Variants in KMT2C observed in about 807,000 individuals in gnomAD.
KMT2C encodes lysine methyltransferase 2C, also known as histone-lysine N-methyltransferase 2C.
A neutral mutation model predicts 507.9 loss-of-function variants in KMT2C; 88 were observed. The ratio of observed to expected loss-of-function variants is 0.17; its 90% CI spans 0.15 to 0.21. KMT2C has a LOEUF of 0.21. KMT2C is among the 10% of genes least tolerant of loss of function. The pLI is 1.00. For missense variants in KMT2C, 4,954 were observed against 5,957.8 expected (o/e 0.83, Z 5.55); for synonymous variants, 2,049 against 2,080.8 (o/e 0.98, Z 0.42).
chr7:152,310,620 CAA>C (rs2096662806), intron 5 of KMT2C, among the ~76,000 whole-genome samples: 1 of 152,008 alleles, frequency 6.6e-6, no homozygotes, highest in African/African-American at 2.4e-5. Flanking sequence ...TCTACTGAAT[CAA>C]AAACTCGTGC....
At chr7:152,256,472 A>C (rs560382684) in intron 9 of KMT2C, among the ~76,000 whole-genome samples, 2 of 152,254 alleles carry the variant, frequency 1.3e-5, no homozygotes, top group Non-Finnish European at 2.9e-5. Context: ...TGAGGCAGGA[A>C]GACTGCTTGA....
At chr7:152,410,574 T>A (rs2097671462) in intron 1 of KMT2C, among the ~76,000 whole-genome samples, 1 of 151,708 alleles carries the variant, frequency 6.6e-6, no homozygotes, top group Non-Finnish European at 1.5e-5. Context: ...CAAGACTCCA[T>A]CTCAAATAAA....
chr7:152,237,974 T>A (rs530784667), intron 15 of KMT2C, among the ~76,000 whole-genome samples: 1 of 152,424 alleles, frequency 6.6e-6, no homozygotes, highest in South Asian at 2.1e-4. Context: ...ATGAGGTATA[T>A]TTATACCTCA....
At chr7:152,156,445 G>C in intron 44 of KMT2C, 99 bp from the exon 45 acceptor site, 1 of 1,443,268 alleles carries the variant, frequency 6.9e-7, no homozygotes, top group Non-Finnish European at 9.3e-7. Context: ...ATAGAAGCAA[G>C]GCTACAGAAA....
At position 152,148,751 on chromosome 7, in the gene KMT2C, A is replaced by G. The variant is rs1488531897; in HGVS notation, c.13176T>C (p.Pro4392=). ...TCCGATAGTCTTTGGGCACAGGATC[A>G]GGTTTAAGGGAAGTGCCCAATTTCT... ...FLKKLGTSLK[P]DPVPKDYRKC... The change falls in exon 52 of 59, where the codon CCT becomes CCC. Residue 4392 remains proline (P), a synonymous_variant. Transcript: ENST00000262189. The surrounding 1 kb of genome is among the most constrained non-coding windows in gnomAD (Gnocchi z 7.1). 2 of 1,614,126 alleles carry G rather than the reference A, an allele frequency of 1.2e-6. No individual in the cohort carries two copies. Among genetic ancestry groups the G allele is most frequent in the Non-Finnish European group, 1.7e-6 (2 of 1,180,050 alleles).
In KMT2C at chr7:152,181,828, G is replaced by C. The variant is rs1236095935; in HGVS notation, c.6032C>G (p.Ser2011Cys). The C allele has an allele frequency of 6.2e-7, 1 of 1,614,160 alleles. No homozygotes were observed. Among genetic ancestry groups the C allele is most frequent in the South Asian group, 1.1e-5 (1 of 91,078 alleles). ...TCTTTGAAACACATCTGCCCTAGGA[G>C]ATGGTTTAGTAAAGTGATCACTGGT... ...AGTSDHFTKP[S>C]PRADVFQRQR... The change falls in exon 36 of 59, where the codon TCT becomes TGT. Residue 2011 changes from serine to cysteine, a missense_variant. By Grantham distance (112) the Ser-to-Cys change is moderately radical (BLOSUM62 -1). This residue lies in a region of KMT2C where 1,689 missense variants were observed against 1,654.3 expected (regional missense o/e 1.02). Transcript: ENST00000262189.
rs369965395 is a variant in KMT2C, at chr7:152,139,793, TA to T, written c.14344-3del. The T allele has an allele frequency of 3.5e-5, 56 of 1,598,926 alleles. No homozygotes were observed. The highest frequency in any genetic ancestry group is 8.9e-5 in the South Asian group (8 of 89,782). On this transcript the variant is annotated splice_polypyrimidine_tract_variant and splice_region_variant and intron_variant, in intron 55 of 58. Transcript: ENST00000262189. The stretch of plus-strand genomic sequence containing the variant: ...TCGAGCAGCATACAGGCCCAGCCCC[TA>T]AAAAAAAGTGTGTACATACTTCCAA...
chr7:152,240,405 C>T (rs533746169), intron 14 of KMT2C, among the ~76,000 whole-genome samples: 18 of 151,492 alleles, frequency 1.2e-4, no homozygotes, highest in African/African-American at 3.9e-4. Context: ...ATCTCCTGTA[C>T]GTGTTCTTCC....
At chr7:152,290,258 G>GTGTATATATATATA (rs1337492088) in intron 6 of KMT2C, among the ~76,000 whole-genome samples, 6 of 26,264 alleles carry the variant, frequency 2.3e-4, no homozygotes, top group African/African-American at 7.0e-4. Flanking sequence ...GTGTGTATGT[G>GTGTATATATATATA]TATATATATA....
intron 3 of KMT2C, among the ~76,000 whole-genome samples, chr7:152,320,273 G>A (rs1195015405): frequency 1.3e-5 from 2 of 151,966 alleles, no homozygotes; most frequent in Non-Finnish European, 2.9e-5. Flanking sequence ...TTTTGAGATG[G>A]AGTCTCACTC....
intron 6 of KMT2C, among the ~76,000 whole-genome samples, chr7:152,299,283 A>C (rs1243579653): frequency 6.6e-6 from 1 of 151,858 alleles, no homozygotes; most frequent in African/African-American, 2.4e-5. Context: ...GCGCCACTGC[A>C]CTCCAGCCTG....
At position 152,266,170 on chromosome 7, in the gene KMT2C, C is replaced by G. The variant is rs139749956; in HGVS notation, c.1013-961G>C. Among the ~76,000 whole-genome samples the G allele has an allele frequency of 2.5e-3, 377 of 152,040 alleles. 1 individual carries two copies. The highest frequency in any genetic ancestry group is 8.7e-3 in the African/African-American group (361 of 41,470). On this transcript the variant is annotated intron_variant, in intron 7 of 58. Coordinates refer to ENST00000262189, the MANE Select transcript of KMT2C (RefSeq NM_170606.3). Reference sequence around the variant, plus strand: ...ATACGTTCTTTCTTTTCCAGTCAAGCCTATCATACCAACCTTAGATAATAT... The same window carrying G: ...ATACGTTCTTTCTTTTCCAGTCAAGGCTATCATACCAACCTTAGATAATAT...
chr7:152,212,681 G>T (rs1474566601), intron 23 of KMT2C, among the ~76,000 whole-genome samples: 1 of 152,034 alleles, frequency 6.6e-6, no homozygotes, highest in Admixed American at 6.6e-5. Context: ...AAACACTGAG[G>T]AACAAATTTA....
rs1331825838 is a variant in KMT2C, at chr7:152,205,090, T to A, written c.3961+16A>T. 19 of 1,551,320 alleles carry A rather than the reference T, an allele frequency of 1.2e-5. No individual in the cohort carries two copies. The highest frequency in any genetic ancestry group is 2.3e-5 in the East Asian group (1 of 42,710). ...TTACATTAAAAAAAAAATTTTTTTT[T>A]AAGTCAGTACTATACCATCATCTCT... On this transcript the variant is annotated intron_variant, in intron 25 of 58. Transcript: ENST00000262189.
intron 38 of KMT2C, among the ~76,000 whole-genome samples, chr7:152,175,407 T>A (rs900231359): frequency 2.6e-5 from 4 of 152,064 alleles, no homozygotes; most frequent in Non-Finnish European, 4.4e-5. Flanking sequence ...TCATGGTGGT[T>A]TGCTGCACCC....
In KMT2C at chr7:152,248,448, C is replaced by T. The variant is rs2129164402; in HGVS notation, c.1986G>A (p.Val662=). 1.9e-6 allele frequency: 3 copies of T among 1,614,100 alleles called. No homozygotes were observed. The highest frequency in any genetic ancestry group is 2.5e-6 in the Non-Finnish European group (3 of 1,180,004). Residue 662 remains valine, a synonymous_variant, in exon 14 of 59, where the codon GTG becomes GTA. Coordinates refer to ENST00000262189, the MANE Select transcript of KMT2C (RefSeq NM_170606.3). The part of the protein sequence containing the change: ...NIEVVTHQIT[V]QQEQLQLLEE... ...CTAACAACTGCAGTTGTTCTTGCTG[C>T]ACAGTGATCTGGTGTGTAACGACTT... is the stretch of plus-strand genomic sequence containing the variant.
chr7:152,352,750 C>T (rs1406117396), intron 2 of KMT2C, among the ~76,000 whole-genome samples: 1 of 152,046 alleles, frequency 6.6e-6, no homozygotes, highest in Non-Finnish European at 1.5e-5. Flanking sequence ...ACTAGAAGTC[C>T]TTAGAGAATA....
chr7:152,337,831 T>C (rs915546422), intron 2 of KMT2C, among the ~76,000 whole-genome samples: 1 of 152,006 alleles, frequency 6.6e-6, no homozygotes, highest in Admixed American at 6.6e-5. Context: ...ATGGATTCAC[T>C]TGTCCACCTC....
At chr7:152,186,191 AG>A (rs1428600545) in intron 33 of KMT2C, among the ~76,000 whole-genome samples, 2 of 152,264 alleles carry the variant, frequency 1.3e-5, no homozygotes, top group Admixed American at 6.5e-5. Flanking sequence ...CATTACAAAA[AG>A]AAAGCAAGCT....
Sources: allele counts gnomAD v4.1 joint callset (sites outside exome capture counted in the v4.1 genomes callset), GRCh38; gene constraint gnomAD v4.1.1; regional missense constraint gnomAD v4.1.1; non-coding constraint Gnocchi (gnomAD v3.1); transcripts MANE v1.5; gene names NCBI Gene and HGNC (gene_info 2026-07-23, HGNC 2026-07-21).